LARGE1: variants seen among roughly 807,000 people sequenced by gnomAD.
The protein encoded by LARGE1 is LARGE xylosyl- and glucuronyltransferase 1.
A neutral mutation model predicts 87.6 loss-of-function variants in LARGE1; 43 were observed. The observed-to-expected ratio is 0.49, with a 90% confidence interval of 0.38 to 0.63. The LOEUF (loss-of-function observed/expected upper bound fraction) is 0.63, where lower values mean the gene tolerates loss of function less well. Ranked by LOEUF, LARGE1 falls within the 30% of genes least tolerant of loss-of-function variation. LARGE1 has a pLI of 0.00. For missense variants in LARGE1, 802 were observed against 1,000.2 expected, an observed-to-expected ratio of 0.80 and a Z score of 2.67; for synonymous variants, 434 against 394.6, an observed-to-expected ratio of 1.10 and a Z score of -1.18.
intron 7 of LARGE1, among the ~76,000 whole-genome samples, chr22:33,397,774 A>G (rs2065799909): frequency 6.6e-6 from 1 of 152,144 alleles, no homozygotes; most frequent in Non-Finnish European, 1.5e-5. Context: ...AAGTATTCCA[A>G]TTGCTCCGCA....
At chr22:33,085,479 A>G in the LARGE1 span, among the ~76,000 whole-genome samples, 2 of 152,232 alleles carry the variant, frequency 1.3e-5, no homozygotes, top group African/African-American at 4.8e-5. Flanking sequence ...TCATTTCAAA[A>G]TCATGTCTGT....
chr22:33,371,136 T>A (rs988131162), intron 9 of LARGE1, among the ~76,000 whole-genome samples: 4 of 151,486 alleles, frequency 2.6e-5, no homozygotes, highest in Middle Eastern at 3.4e-3. Context: ...TTATGCTGTA[T>A]CTACATAGTA....
chr22:33,478,907 C>T (rs529364719), intron 6 of LARGE1, among the ~76,000 whole-genome samples: 21 of 152,226 alleles, frequency 1.4e-4, no homozygotes, highest in Admixed American at 4.6e-4. Context: ...TGTTGGGTAC[C>T]GGGGGACTTA....
chr22:33,567,118 G>C (rs1256059606), intron 5 of LARGE1, among the ~76,000 whole-genome samples: 1 of 152,124 alleles, frequency 6.6e-6, no homozygotes, highest in Non-Finnish European at 1.5e-5. Context: ...GAGATGGAAT[G>C]GGTCTCATGA....
chr22:33,231,603 G>A (rs1926009087), intron 11 of LARGE1, among the ~76,000 whole-genome samples: 1 of 152,130 alleles, frequency 6.6e-6, no homozygotes, highest in South Asian at 2.1e-4. Context: ...GTGAAGAGAA[G>A]GCATTTAAAT....
chr22:33,743,093 T>C (rs1202032816), intron 2 of LARGE1: 4 of 152,114 alleles, frequency 2.6e-5, no homozygotes, highest in Admixed American at 2.6e-4. Context: ...TCTGGTCATG[T>C]GACACACCTG....
intron 9 of LARGE1, among the ~76,000 whole-genome samples, chr22:33,358,029 T>G (rs1252408706): frequency 6.6e-6 from 1 of 152,144 alleles, no homozygotes; most frequent in Non-Finnish European, 1.5e-5. Context: ...CCATGTCTGC[T>G]GGGGGAATGA....
At chr22:33,176,526 C>T (rs1419336874) in intron 11 of LARGE1, among the ~76,000 whole-genome samples, 1 of 152,152 alleles carries the variant, frequency 6.6e-6, no homozygotes, top group Non-Finnish European at 1.5e-5. Context: ...CAAAAGAAGG[C>T]ATTTATGCAG....
At chr22:33,339,147 C>CAA (rs1329158055) in intron 9 of LARGE1, among the ~76,000 whole-genome samples, 72 of 92,612 alleles carry the variant, frequency 7.8e-4, no homozygotes, top group African/African-American at 3.1e-3. Flanking sequence ...GACTCCGTCT[C>CAA]AAAAAATAAA....
At chr22:33,410,289 T>C (rs1429384338) in intron 7 of LARGE1, among the ~76,000 whole-genome samples, 1 of 152,036 alleles carries the variant, frequency 6.6e-6, no homozygotes, top group Non-Finnish European at 1.5e-5. Flanking sequence ...GGGAGGGAGC[T>C]AGAAAAATCC....
At chr22:33,688,293 G>A (rs905023013) in intron 2 of LARGE1, among the ~76,000 whole-genome samples, 6 of 152,158 alleles carry the variant, frequency 3.9e-5, no homozygotes, top group African/African-American at 1.4e-4. Context: ...TAGGTTAAGT[G>A]TTCATCATTA....
At chr22:33,527,252 G>A (rs144196003) in intron 6 of LARGE1, among the ~76,000 whole-genome samples, 155 of 152,250 alleles carry the variant, frequency 1.0e-3, no homozygotes, top group African/African-American at 3.6e-3. Flanking sequence ...GCAAAACTCC[G>A]TCTCAAAAAA....
intron 7 of LARGE1, among the ~76,000 whole-genome samples, chr22:33,416,522 A>G (rs1251438079): frequency 6.6e-6 from 1 of 150,668 alleles, no homozygotes; most frequent in African/African-American, 2.4e-5. Context: ...TTTTGGCTCT[A>G]TGTGGGTCAT....
chr22:33,150,746 A>C, the LARGE1 span, among the ~76,000 whole-genome samples: 1 of 152,154 alleles, frequency 6.6e-6, no homozygotes, highest in Non-Finnish European at 1.5e-5. Flanking sequence ...GGCAAAAATA[A>C]ATTTGCTTTT....
the LARGE1 span, among the ~76,000 whole-genome samples, chr22:33,088,360 T>G: frequency 6.6e-6 from 1 of 152,138 alleles, no homozygotes; most frequent in Non-Finnish European, 1.5e-5. Context: ...GTGTGTTAGA[T>G]TTCCCTTCTT....
chr22:33,768,301 C>G (rs544996537), intron 1 of LARGE1, among the ~76,000 whole-genome samples: 1 of 151,854 alleles, frequency 6.6e-6, no homozygotes, highest in Non-Finnish European at 1.5e-5. Flanking sequence ...CCGTCCCACT[C>G]CAAAGAAAAA....
chr22:33,226,653 T>G (rs948190102), intron 11 of LARGE1, among the ~76,000 whole-genome samples: 5 of 152,140 alleles, frequency 3.3e-5, no homozygotes, highest in Non-Finnish European at 1.5e-5. Flanking sequence ...AATAAAAAAC[T>G]TAACGAAAAC....
At chr22:33,635,100 AG>A (rs1033128205) in intron 3 of LARGE1, among the ~76,000 whole-genome samples, 5 of 151,492 alleles carry the variant, frequency 3.3e-5, no homozygotes, top group Admixed American at 3.3e-4. Flanking sequence ...CCTGGGTGAC[AG>A]AGCAAGACTC....
At position 33,730,425 on chromosome 22, in the gene LARGE1, T is replaced by C. The variant is rs149011967; in HGVS notation, c.106+30946A>G. Among the ~76,000 whole-genome samples the C allele has an allele frequency of 7.2e-5, 11 of 152,328 alleles. No individual in the cohort carries two copies. In the South Asian group the frequency reaches 2.1e-3, roughly 29 times the overall value. On this transcript the variant is annotated intron_variant, in intron 2 of 14. Transcript: ENST00000397394. ...TATGCATCTCCACGATGTGCTTATT[T>C]CACATTGCATGCCTGTACCAAAACA...
Sources: allele counts gnomAD v4.1 joint callset (sites outside exome capture counted in the v4.1 genomes callset), GRCh38; gene constraint gnomAD v4.1.1; transcripts MANE v1.5; gene names NCBI Gene and HGNC (gene_info 2026-07-23, HGNC 2026-07-21).